CRYBG1: variants seen among roughly 807,000 people sequenced by gnomAD.
The protein encoded by CRYBG1 is beta/gamma crystallin domain-containing protein 1.
A neutral mutation model predicts 189.2 loss-of-function variants in CRYBG1; 139 were observed. The observed-to-expected ratio is 0.73, with a 90% CI of 0.64 to 0.85. The LOEUF (loss-of-function observed/expected upper bound fraction) is 0.85. CRYBG1 is among the 40% of genes least tolerant of loss of function. The pLI is 0.00. For missense variants in CRYBG1, 2,611 were observed against 2,675.8 expected, an observed-to-expected ratio of 0.98 and a Z score of 0.53; for synonymous variants, 1,023 against 1,017.1, an observed-to-expected ratio of 1.01 and a Z score of -0.11.
At chr6:106,565,784 C>T (rs778366561) in intron 21 of CRYBG1, among the ~76,000 whole-genome samples, 7 of 152,194 alleles carry the variant, frequency 4.6e-5, no homozygotes, top group Non-Finnish European at 1.0e-4. Flanking sequence ...GTGAAATACT[C>T]ATTTTATAGA....
At position 106,553,550 on chromosome 6, in the gene CRYBG1, C is replaced by T; in HGVS notation, c.5568C>T (p.Cys1856=). ...ATGATTCATTTTCTACCAAGTCTTG[C>T]AGAGTTTCAGGAGGCAGGTAAGTGA... ...QIDDSFSTKS[C]RVSGGSWVVY... Residue 1856 remains cysteine, a synonymous_variant, in exon 16 of 22, where the codon TGC becomes TGT. Transcript: ENST00000633556. 2 of 1,612,382 alleles carry T rather than the reference C, an allele frequency of 1.2e-6. No homozygotes were observed. The highest frequency in any genetic ancestry group is 1.1e-5 in the South Asian group (1 of 91,034).
chr6:106,520,172 T>C lies in CRYBG1; in HGVS notation c.2964T>C (p.Thr988=), dbSNP rs768798472. 9 of 1,614,120 alleles carry C rather than the reference T, an allele frequency of 5.6e-6. No individual in the cohort carries two copies. The South Asian group carries it at 6.6e-5, about 12-fold the overall frequency. Residue 988 remains threonine (T), a synonymous_variant, in exon 4 of 22, where the codon ACT becomes ACC. Transcript: ENST00000633556. ...SSEVREVQLP[T]CHSNEPEVVS... ...AAGTTAGAGAAGTGCAGTTGCCAAC[T>C]TGTCACAGTAATGAACCTGAAGTGG...
At chr6:106,537,015 C>T (rs1030075721) in intron 8 of CRYBG1, among the ~76,000 whole-genome samples, 3 of 152,228 alleles carry the variant, frequency 2.0e-5, no homozygotes, top group Non-Finnish European at 2.9e-5. Context: ...CTTCAGCACT[C>T]ATTTACTAAG....
At chr6:106,372,536 G>A (rs960440579) in intron 1 of CRYBG1, among the ~76,000 whole-genome samples, 1 of 152,194 alleles carries the variant, frequency 6.6e-6, no homozygotes, top group Non-Finnish European at 1.5e-5. Flanking sequence ...ACAGGCGTGA[G>A]CCACCGTGCC....
chr6:106,394,781 AAAG>A (rs1289834026), intron 1 of CRYBG1, among the ~76,000 whole-genome samples: 7 of 152,314 alleles, frequency 4.6e-5, no homozygotes, highest in African/African-American at 1.7e-4. Flanking sequence ...TCAAAGAAGA[AAAG>A]AAGAATATCC....
intron 2 of CRYBG1, among the ~76,000 whole-genome samples, chr6:106,476,767 A>G (rs1214312514): frequency 1.3e-5 from 2 of 152,212 alleles, no homozygotes; most frequent in East Asian, 3.9e-4. Context: ...AAGTAAGACC[A>G]GTTCCCAGTG....
At chr6:106,480,249 AG>A (rs1276963227) in intron 2 of CRYBG1, among the ~76,000 whole-genome samples, 1 of 152,146 alleles carries the variant, frequency 6.6e-6, no homozygotes. Flanking sequence ...ACAGTATGAT[AG>A]GGAAAAGTGA....
chr6:106,494,389 C>T (rs1401006794), intron 2 of CRYBG1, among the ~76,000 whole-genome samples: 3 of 152,130 alleles, frequency 2.0e-5, no homozygotes, highest in African/African-American at 7.2e-5. Context: ...ACGTTTTGTG[C>T]TTTCTACCAC....
At chr6:106,456,650 TCA>T (rs1459190977) in intron 2 of CRYBG1, among the ~76,000 whole-genome samples, 2 of 152,160 alleles carry the variant, frequency 1.3e-5, no homozygotes, top group Non-Finnish European at 2.9e-5. Context: ...AGGTAGGTGG[TCA>T]CTTTGAGAGG....
At position 106,512,939 on chromosome 6, in the gene CRYBG1, G is replaced by T; in HGVS notation, c.1822G>T (p.Gly608Cys). Residue 608 changes from glycine (G) to cysteine (C), a missense_variant, in exon 3 of 22, where the codon GGC becomes TGC. By Grantham distance (159) the Gly-to-Cys change is radical (BLOSUM62 -3). This residue lies in a region of CRYBG1 where 985 missense variants were observed against 924.4 expected (regional missense o/e 1.07). Transcript: ENST00000633556. ...AGAGGGAGGTCGAAGCAGAGAGCTG[G>T]GCAGAGCGGCCGGAGCGCCTGGAGC... Reference protein sequence around the residue: ...RAEGGRSRELGRAAGAPGASD... With the variant: ...RAEGGRSRELCRAAGAPGASD... 1.9e-6 allele frequency: 3 copies of T among 1,610,214 alleles called. No individual in the cohort carries two copies. The highest frequency in any genetic ancestry group is 2.5e-6 in the Non-Finnish European group (3 of 1,178,732).
intron 1 of CRYBG1, among the ~76,000 whole-genome samples, chr6:106,424,858 G>A (rs1467007299): frequency 1.3e-5 from 2 of 152,078 alleles, no homozygotes; most frequent in East Asian, 3.9e-4. Flanking sequence ...CTTGTCATTG[G>A]CATCTTCACC....
intron 1 of CRYBG1, among the ~76,000 whole-genome samples, chr6:106,376,833 T>A (rs1281703378): frequency 6.6e-6 from 1 of 152,186 alleles, no homozygotes; most frequent in Admixed American, 6.5e-5. Context: ...CTCTTTATAT[T>A]TTAGGTTTAG....
At position 106,375,385 on chromosome 6, in the gene CRYBG1, T is replaced by TTAAG. The variant is rs3067978; in HGVS notation, c.173+14340_173+14343dup. 4.8e-3 allele frequency among the ~76,000 whole-genome samples: 691 copies of TTAAG among 145,082 alleles called. 5 individuals are homozygous for TTAAG. Among genetic ancestry groups the TTAAG allele is most frequent in the South Asian group, 7.4e-3 (32 of 4,314 alleles). On this transcript the variant is annotated intron_variant, in intron 1 of 21. Coordinates refer to ENST00000633556, the MANE Select transcript of CRYBG1 (RefSeq NM_001371242.2). ...TGGGAGACAGAGTGAGGCCCTGTCT[T>TTAAG]TAAGTAAGTAAGTAAGTAAGTAAGT...
intron 7 of CRYBG1, 99 bp downstream of exon 7, chr6:106,527,569 C>T (rs1425781936): frequency 3.2e-6 from 4 of 1,249,452 alleles, no homozygotes; most frequent in African/African-American, 3.0e-5. Context: ...GATTGGGAAA[C>T]ATATTTGGTG....
In CRYBG1 at chr6:106,452,127, C is replaced by T. The variant is rs116371207; in HGVS notation, c.312+295C>T. 8.2e-3 allele frequency among the ~76,000 whole-genome samples: 1,214 copies of T among 148,112 alleles called. 26 individuals carry two copies. Among genetic ancestry groups the T allele is most frequent in the African/African-American group, 0.029 (1,177 of 40,662 alleles). ...CCATGATAATAAAGAATGAGCTTGG[C>T]CGGGCCTGGTGGCTCACGCCTGTAA... On this transcript the variant is annotated intron_variant, in intron 2 of 21. Transcript: ENST00000633556.
In CRYBG1 at chr6:106,563,821, C is replaced by A. The variant is rs753815205; in HGVS notation, c.6196C>A (p.Leu2066Ile). ...CAGCCTGGTAACATCTGGCTCCAAGCTAGGCCTGGCCCTGGACCAGAATGC... is the reference window on the plus strand; with the variant it reads ...CAGCCTGGTAACATCTGGCTCCAAGATAGGCCTGGCCCTGGACCAGAATGC... ...VGSLVTSGSKLGLALDQNADS... is the reference protein window; with the variant it reads ...VGSLVTSGSKIGLALDQNADS... The change falls in exon 21 of 22, where the codon CTA becomes ATA. Residue 2066 changes from leucine (L) to isoleucine (I), a missense_variant. Coordinates refer to ENST00000633556, the MANE Select transcript of CRYBG1 (RefSeq NM_001371242.2). The A allele has an allele frequency of 1.4e-5, 22 of 1,613,500 alleles. No homozygotes were observed. The Admixed American group carries it at 3.7e-4, about 27-fold the overall frequency.
At chr6:106,499,349 G>A (rs1283268373) in intron 2 of CRYBG1, among the ~76,000 whole-genome samples, 8 of 143,682 alleles carry the variant, frequency 5.6e-5, no homozygotes, top group Non-Finnish European at 9.1e-5. Context: ...TAGTAGAGAT[G>A]AGGTTTCACC....
intron 1 of CRYBG1, among the ~76,000 whole-genome samples, chr6:106,361,969 CT>C (rs200251504): frequency 0.27 from 30,309 of 111,978 alleles, 3,946 homozygotes; most frequent in Admixed American, 0.33. Flanking sequence ...TTCTTTCTTT[CT>C]TTTTTTTTTT....
chr6:106,405,363 A>G (rs146249512), intron 1 of CRYBG1, among the ~76,000 whole-genome samples: 1,741 of 152,294 alleles, frequency 0.011, 42 homozygotes, highest in African/African-American at 0.04. Context: ...GGCATCTCTG[A>G]AAGAAAGGCA....
Sources: gnomAD v4.1 joint callset for allele counts (sites outside exome capture counted in the v4.1 genomes callset) on GRCh38, gnomAD v4.1.1 for gene constraint, gnomAD v4.1.1 regional missense constraint, MANE v1.5 for transcripts, NCBI Gene and HGNC (gene_info 2026-07-23, HGNC 2026-07-21) for gene names.